Variants in LINC00632 observed in about 807,000 individuals in gnomAD.
LINC00632 encodes the protein long independently transcribed non-coding RNA 632.
chrX:140,772,896 G>GC (rs747634665), exon 4 of LINC00632, among the ~76,000 whole-genome samples: 25 of 112,148 alleles, frequency 2.2e-4, no homozygotes, highest in Admixed American at 1.2e-3. Context: ...AAAATTCATT[G>GC]CAAGTAATGG....
intron 2 of LINC00632, among the ~76,000 whole-genome samples, chrX:140,728,252 A>AAAAG (rs555374646): frequency 1.1e-4 from 12 of 109,810 alleles, no homozygotes; most frequent in Non-Finnish European, 2.1e-4. Flanking sequence ...AAAAAAAAAA[A>AAAAG]AAAGAAAGAA....
At chrX:140,763,703 G>C (rs763564270) in intron 3 of LINC00632, among the ~76,000 whole-genome samples, 2 of 111,351 alleles carry the variant, frequency 1.8e-5, no homozygotes, top group Non-Finnish European at 3.8e-5. Flanking sequence ...TCACTGGCCT[G>C]GTTGTTTTCC....
intron 3 of LINC00632, among the ~76,000 whole-genome samples, chrX:140,752,994 T>TA (rs1931432447): frequency 8.9e-6 from 1 of 112,144 alleles, no homozygotes; most frequent in African/African-American, 3.2e-5. Context: ...TTATTTAACA[T>TA]AAAATGTAAA....
At chrX:140,710,097 G>A (rs867231746) in intron 1 of LINC00632, among the ~76,000 whole-genome samples, 30 of 112,200 alleles carry the variant, frequency 2.7e-4, no homozygotes, top group Middle Eastern at 9.2e-3. Flanking sequence ...TACTAAATTG[G>A]AGAATTGCTT....
At chrX:140,716,417 G>A (rs1930629416) in intron 2 of LINC00632, 1 of 110,809 alleles carries the variant, frequency 9.0e-6, no homozygotes, top group South Asian at 3.8e-4. Context: ...ACAGTGCCTG[G>A]TACATAGTGA....
At chrX:140,739,376 C>A (rs1001209782) in intron 3 of LINC00632, among the ~76,000 whole-genome samples, 1 of 109,762 alleles carries the variant, frequency 9.1e-6, no homozygotes, top group African/African-American at 3.3e-5. Context: ...TGCACCACCA[C>A]GCCCGGCTAA....
chrX:140,735,660 G>A lies in LINC00632; in HGVS notation n.191+1696G>A, dbSNP rs186046113. 2.5e-4 allele frequency among the ~76,000 whole-genome samples: 28 copies of A among 110,728 alleles called. 1 individual carries two copies. In the East Asian group the frequency reaches 7.6e-3, roughly 30 times the overall value. On this transcript the variant is annotated intron_variant and non_coding_transcript_variant, in intron 3 of 4. Coordinates refer to ENST00000648200, the Ensembl canonical transcript of LINC00632. Reference sequence around the variant, plus strand: ...CGGCTCACTGCAACCTCTGCCTTCCGGGTTCAAGCGATTCTCCTGCCTCAG... The same window carrying A: ...CGGCTCACTGCAACCTCTGCCTTCCAGGTTCAAGCGATTCTCCTGCCTCAG...
exon 5 of LINC00632, among the ~76,000 whole-genome samples, chrX:140,790,103 A>T (rs1471766365): frequency 9.1e-6 from 1 of 110,373 alleles, no homozygotes; most frequent in African/African-American, 3.3e-5. Flanking sequence ...CTGGTCTTGA[A>T]CTCTTGGGCC....
At chrX:140,779,895 G>A (rs1056563051) in exon 5 of LINC00632, among the ~76,000 whole-genome samples, 3 of 111,388 alleles carry the variant, frequency 2.7e-5, no homozygotes, top group Non-Finnish European at 3.8e-5. Context: ...TCTGCTCTGG[G>A]CTGGGGGCAC....
intron 3 of LINC00632, among the ~76,000 whole-genome samples, chrX:140,742,877 G>GAGAGAGAGAA (rs1209141726): frequency 3.5e-4 from 33 of 94,436 alleles, no homozygotes; most frequent in African/African-American, 1.3e-3. Context: ...GAGAGAGAGA[G>GAGAGAGAGAA]AGGAAGGAAG....
intron 2 of LINC00632, among the ~76,000 whole-genome samples, chrX:140,731,247 A>G (rs1446682246): frequency 8.9e-6 from 1 of 111,839 alleles, no homozygotes; most frequent in Non-Finnish European, 1.9e-5. Context: ...ACATGGATGC[A>G]ATATTTACTT....
At chrX:140,762,907 A>G (rs917645864) in intron 3 of LINC00632, among the ~76,000 whole-genome samples, 2 of 112,219 alleles carry the variant, frequency 1.8e-5, no homozygotes, top group African/African-American at 6.5e-5. Context: ...AGTAGTTTGC[A>G]GATCCCTGGG....
exon 4 of LINC00632, chrX:140,772,430 C>A (rs1358813483): frequency 1.0e-5 from 3 of 293,746 alleles, no homozygotes; most frequent in African/African-American, 8.3e-5. Flanking sequence ...ATTGTGTACT[C>A]TCATTGATAT....
intron 2 of LINC00632, among the ~76,000 whole-genome samples, chrX:140,720,001 C>T (rs1161586287): frequency 9.3e-6 from 1 of 107,873 alleles, no homozygotes; most frequent in East Asian, 3.0e-4. Flanking sequence ...GCAGGAGAAT[C>T]GCTTGAACCT....
exon 5 of LINC00632, among the ~76,000 whole-genome samples, chrX:140,776,643 T>C (rs1931876573): frequency 8.9e-6 from 1 of 111,763 alleles, no homozygotes; most frequent in African/African-American, 3.3e-5. Context: ...CAGGAAAGGA[T>C]AGATGCCGGA....
intron 3 of LINC00632, among the ~76,000 whole-genome samples, chrX:140,770,438 C>T (rs781131868): frequency 1.3e-4 from 14 of 111,934 alleles, no homozygotes; most frequent in Non-Finnish European, 2.4e-4. Flanking sequence ...TGGTGGCTCA[C>T]GCCTATAATC....
intron 2 of LINC00632, among the ~76,000 whole-genome samples, chrX:140,721,291 C>A (rs1391748835): frequency 1.8e-5 from 2 of 111,573 alleles, no homozygotes; most frequent in Non-Finnish European, 3.8e-5. Flanking sequence ...TGCACCACAA[C>A]AAGAATACAT....
intron 2 of LINC00632, among the ~76,000 whole-genome samples, chrX:140,728,840 C>T (rs1931009381): frequency 9.0e-6 from 1 of 111,452 alleles, no homozygotes; most frequent in Non-Finnish European, 1.9e-5. Context: ...TGCTCCACAA[C>T]ACTCAGACTC....
chrX:140,783,292 T>A, exon 5 of LINC00632: 1 of 320,157 alleles, frequency 3.1e-6, no homozygotes. Flanking sequence ...AAAATCCACA[T>A]CTTCCAGACA....
Sources: gnomAD v4.1 joint callset for allele counts (sites outside exome capture counted in the v4.1 genomes callset) on GRCh38, gnomAD v4.1.1 for gene constraint, MANE v1.5 for transcripts, NCBI Gene and HGNC (gene_info 2026-07-23, HGNC 2026-07-21) for gene names.